Variants in INTS6 observed in about 807,000 individuals in gnomAD.
INTS6 encodes integrator complex subunit 6.
A neutral mutation model predicts 104.9 loss-of-function variants in INTS6; 16 were observed. The ratio of observed to expected loss-of-function variants is 0.15; its 90% CI spans 0.10 to 0.23. INTS6 has a LOEUF of 0.23. INTS6 is among the 10% of genes least tolerant of loss of function. The pLI is 1.00. For missense variants in INTS6, 584 were observed against 1,062.8 expected (o/e 0.55, Z 6.26); for synonymous variants, 324 against 358.7 (o/e 0.90, Z 1.09).
At chr13:51,341,985 ATT>A in the INTS6 span, among the ~76,000 whole-genome samples, 2 of 152,092 alleles carry the variant, frequency 1.3e-5, no homozygotes, top group Non-Finnish European at 2.9e-5. Context: ...TGGATTATGT[ATT>A]TTAGAGCGGC....
the INTS6 span, chr13:51,344,558 T>A: frequency 8.0e-7 from 1 of 1,250,596 alleles, no homozygotes; most frequent in Non-Finnish European, 1.1e-6. Flanking sequence ...CCATCACTTG[T>A]CAGAGGCCAT....
In INTS6 at chr13:51,441,386, T is replaced by C. The variant is rs753363287; in HGVS notation, c.339+9639A>G. 7 of 152,232 alleles carry C rather than the reference T, an allele frequency of 4.6e-5. No individual in the cohort carries two copies. The South Asian group carries it at 1.2e-3, about 27-fold the overall frequency. 9.4% of individuals were successfully genotyped at this position (152,232 alleles called of 1,614,324 possible). On this transcript the variant is annotated intron_variant, in intron 3 of 17. Coordinates refer to ENST00000311234, the MANE Select transcript of INTS6 (RefSeq NM_012141.3). ...TAATCTTTATCACAGTTCTGCAAGA[T>C]AGGTCTTTTCATTCTATTTGTCTAA...
chr13:51,362,061 T>A lies in INTS6; in HGVS notation c.*3691A>T. On this transcript the variant is annotated 3_prime_UTR_variant, in exon 18 of 18. Transcript: ENST00000311234. Reference sequence around the variant, plus strand: ...CTTCTATCCTAAGAAAGGGGACTATTTCGTAAGTACAAAGGAAACTTATCC... The same window carrying A: ...CTTCTATCCTAAGAAAGGGGACTATATCGTAAGTACAAAGGAAACTTATCC... 6.3e-7 allele frequency: 1 copy of A among 1,574,878 alleles called. No homozygotes were observed. Among genetic ancestry groups the A allele is most frequent in the African/African-American group, 1.4e-5 (1 of 72,476 alleles).
intron 4 of INTS6, chr13:51,423,032 G>A (rs1380778511): frequency 1.6e-6 from 2 of 1,269,638 alleles, no homozygotes; most frequent in Admixed American, 2.4e-5. Flanking sequence ...TTACTTGCCT[G>A]TCTTCAAAGA....
At chr13:51,450,905 A>G in intron 3 of INTS6, 120 bp downstream of exon 3, 1 of 1,341,604 alleles carries the variant, frequency 7.5e-7, no homozygotes, top group Middle Eastern at 2.9e-4. Flanking sequence ...CAATGTGCAT[A>G]TTCTATTTTA....
Position 51,362,254 on chromosome 13 carries a change from T to C in INTS6, c.*3498A>G. 2.6e-6 allele frequency: 1 copy of C among 390,192 alleles called. No individual in the cohort carries two copies. Among genetic ancestry groups the C allele is most frequent in the East Asian group, 5.9e-5 (1 of 16,888 alleles). 24.2% of individuals were successfully genotyped at this position (390,192 alleles called of 1,614,324 possible). A position where few individuals can be genotyped will look rare whatever the true frequency, so the allele number is the denominator to read the frequency against. On this transcript the variant is annotated 3_prime_UTR_variant, in exon 18 of 18. Coordinates refer to ENST00000311234, the MANE Select transcript of INTS6 (RefSeq NM_012141.3). ...CTTTGTCCCCTAGCTTTCTTATCAT[T>C]TTAGAGTTTTTTCAGGTCACTAGAG...
intron 4 of INTS6, among the ~76,000 whole-genome samples, chr13:51,399,973 A>G (rs111551902): frequency 0.011 from 1,730 of 152,322 alleles, 26 homozygotes; most frequent in East Asian, 0.071. Context: ...GAATGGGGCC[A>G]CACAGCAGGA....
rs1956091313 is a variant in INTS6, at chr13:51,383,749, G to A, written c.895-8C>T. 4 of 1,589,476 alleles carry A rather than the reference G, an allele frequency of 2.5e-6. No homozygotes were observed. The highest frequency in any genetic ancestry group is 1.3e-5 in the African/African-American group (1 of 74,230). The stretch of plus-strand genomic sequence containing the variant: ...ATGAGATGTACGAGGTGGCTAAAGG[G>A]GAAAGTCTTGTAATTACTACTTACA... On this transcript the variant is annotated splice_polypyrimidine_tract_variant and splice_region_variant and intron_variant, in intron 7 of 17. Transcript: ENST00000311234.
At chr13:51,431,599 G>A (rs895909506) in intron 3 of INTS6, among the ~76,000 whole-genome samples, 1 of 152,062 alleles carries the variant, frequency 6.6e-6, no homozygotes, top group Non-Finnish European at 1.5e-5. Context: ...TTTATTGAAT[G>A]AATTCACAGT....
downstream of INTS6, among the ~76,000 whole-genome samples, chr13:51,360,781 G>A (rs1207739674): frequency 6.6e-6 from 1 of 151,986 alleles, no homozygotes; most frequent in African/African-American, 2.4e-5. Flanking sequence ...ATAAAAACCT[G>A]TGACTTTGTC....
At chr13:51,375,741 GT>G (rs1566209031) in intron 13 of INTS6, among the ~76,000 whole-genome samples, 5 of 144,530 alleles carry the variant, frequency 3.5e-5, no homozygotes, top group African/African-American at 7.9e-5. Context: ...GTGGGTGTGT[GT>G]GTGTGTGTGT....
intron 15 of INTS6, among the ~76,000 whole-genome samples, chr13:51,370,710 A>G (rs1007654417): frequency 6.6e-6 from 1 of 152,184 alleles, no homozygotes; most frequent in African/African-American, 2.4e-5. Context: ...ACTGCTTGCA[A>G]AAAGTATACA....
In INTS6 at chr13:51,434,971, C is replaced by T. The variant is rs548534314; in HGVS notation, c.340-4588G>A. Among the ~76,000 whole-genome samples, 21 of 152,090 alleles carry T rather than the reference C, an allele frequency of 1.4e-4. No homozygotes were observed. The South Asian group carries it at 2.5e-3, about 18-fold the overall frequency. On this transcript the variant is annotated intron_variant, in intron 3 of 17. Transcript: ENST00000311234. ...GTCAAGCCTACGCAATTTAATAATT[C>T]CCAAATCCTTATATTTAAGAGCAAT...
intron 6 of INTS6, 26 bp downstream of exon 6, chr13:51,389,293 T>C (rs1378166543): frequency 1.9e-6 from 3 of 1,601,966 alleles, no homozygotes; most frequent in Non-Finnish European, 2.5e-6. Flanking sequence ...AAGTTTTGAA[T>C]GTCTAAAAGA....
At chr13:51,399,545 A>G (rs1258894621) in intron 4 of INTS6, among the ~76,000 whole-genome samples, 1 of 152,196 alleles carries the variant, frequency 6.6e-6, no homozygotes, top group African/African-American at 2.4e-5. Flanking sequence ...TAGTTGTGGA[A>G]TTGCTGGATA....
intron 4 of INTS6, among the ~76,000 whole-genome samples, chr13:51,429,855 T>G (rs777966465): frequency 2.7e-5 from 4 of 149,044 alleles, no homozygotes; most frequent in Non-Finnish European, 4.4e-5. Flanking sequence ...CGAAAAACCT[T>G]ACTTTTCCTA....
intron 3 of INTS6, among the ~76,000 whole-genome samples, chr13:51,432,966 GA>G (rs1409525748): frequency 1.3e-5 from 2 of 152,200 alleles, no homozygotes; most frequent in African/African-American, 4.8e-5. Context: ...GCCTAAGGGA[GA>G]TAAAGAAAAC....
the INTS6 span, among the ~76,000 whole-genome samples, chr13:51,342,457 T>A: frequency 6.6e-6 from 1 of 152,220 alleles, no homozygotes; most frequent in Non-Finnish European, 1.5e-5. Context: ...GTGTTGAGTG[T>A]TTAGCACAAT....
the INTS6 span, among the ~76,000 whole-genome samples, chr13:51,338,453 GGA>G: frequency 2.0e-5 from 3 of 150,810 alleles, no homozygotes; most frequent in Non-Finnish European, 3.0e-5. Context: ...ATAGGTGGAT[GGA>G]TGGATGGATG....
Sources: allele counts gnomAD v4.1 joint callset (sites outside exome capture counted in the v4.1 genomes callset), GRCh38; gene constraint gnomAD v4.1.1; transcripts MANE v1.5; gene names NCBI Gene and HGNC (gene_info 2026-07-23, HGNC 2026-07-21).